DRC8: variants seen among roughly 807,000 people sequenced by gnomAD.
DRC8 encodes the protein dynein regulatory complex subunit 8, also known as dynein regulatory complex protein 8.
chr1:245,104,835 G>T, the DRC8 span, among the ~76,000 whole-genome samples: 2 of 152,132 alleles, frequency 1.3e-5, no homozygotes, highest in Admixed American at 6.5e-5. Context: ...TCAAATTTCC[G>T]CTCTTGTCTC....
At chr1:245,088,832 A>G in the DRC8 span, among the ~76,000 whole-genome samples, 10 of 152,182 alleles carry the variant, frequency 6.6e-5, no homozygotes, top group Non-Finnish European at 1.0e-4. The surrounding 1 kb of genome is among the most constrained non-coding windows in gnomAD (Gnocchi z 4.6). Flanking sequence ...TAGAGGTGTC[A>G]TGAAACATGG....
chr1:245,064,722 T>C, the DRC8 span, among the ~76,000 whole-genome samples: 1 of 152,216 alleles, frequency 6.6e-6, no homozygotes. Context: ...ATTTTTCAGG[T>C]CTTCAGTAAG....
At chr1:245,012,695 A>C in the DRC8 span, among the ~76,000 whole-genome samples, 3,837 of 152,190 alleles carry the variant, frequency 0.025, 65 homozygotes, top group Non-Finnish European at 0.041. Context: ...TAATTTAGAG[A>C]TCTATAAGGG....
chr1:245,121,825 G>C, the DRC8 span: 1 of 405,924 alleles, frequency 2.5e-6, no homozygotes, highest in Non-Finnish European at 4.8e-6. Flanking sequence ...AGCCTCACAG[G>C]CCTTAGGCTT....
chr1:245,053,115 T>G, the DRC8 span, among the ~76,000 whole-genome samples: 1 of 152,210 alleles, frequency 6.6e-6, no homozygotes, highest in Non-Finnish European at 1.5e-5. Context: ...GTACAGTAAG[T>G]CTTCTCTTAA....
chr1:244,974,857 G>A, the DRC8 span, among the ~76,000 whole-genome samples: 1 of 152,058 alleles, frequency 6.6e-6, no homozygotes, highest in African/African-American at 2.4e-5. Context: ...CACCATGCCC[G>A]ACTAATTTTT....
chr1:245,082,237 C>G, the DRC8 span: 1 of 1,328,088 alleles, frequency 7.5e-7, no homozygotes, highest in Non-Finnish European at 1.1e-6. Context: ...GGACGCTTGG[C>G]TTTTTCACTT....
chr1:245,016,576 G>A, the DRC8 span, among the ~76,000 whole-genome samples: 3 of 152,024 alleles, frequency 2.0e-5, no homozygotes, highest in African/African-American at 7.3e-5. Flanking sequence ...CGAATATTAC[G>A]AGCTTATATT....
chr1:244,970,401 G>C, the DRC8 span: 1 of 1,538,756 alleles, frequency 6.5e-7, no homozygotes, highest in Non-Finnish European at 8.7e-7. Flanking sequence ...TCTCCCAGGC[G>C]ACCGGCTCCG....
At chr1:244,981,508 A>G in the DRC8 span, among the ~76,000 whole-genome samples, 2 of 152,220 alleles carry the variant, frequency 1.3e-5, no homozygotes, top group Non-Finnish European at 2.9e-5. Context: ...TCTATGTGGT[A>G]GGTGCCTCTG....
chr1:245,014,249 C>T, the DRC8 span, among the ~76,000 whole-genome samples: 1 of 152,008 alleles, frequency 6.6e-6, no homozygotes, highest in African/African-American at 2.4e-5. Flanking sequence ...GTAACTTCGA[C>T]ATAGGGTTAA....
chr1:244,970,331 C>T, the DRC8 span: 2 of 1,510,928 alleles, frequency 1.3e-6, no homozygotes, highest in African/African-American at 1.4e-5. Context: ...TCCTCCAGGC[C>T]AGGCTCGCCG....
chr1:245,059,085 C>T, the DRC8 span, among the ~76,000 whole-genome samples: 1 of 152,210 alleles, frequency 6.6e-6, no homozygotes, highest in Admixed American at 6.5e-5. Context: ...AACTGAGGCT[C>T]AAAAGAGTTA....
the DRC8 span, among the ~76,000 whole-genome samples, chr1:245,020,408 G>A: frequency 6.6e-6 from 1 of 151,918 alleles, no homozygotes; most frequent in Non-Finnish European, 1.5e-5. Context: ...CCAGCTCCGT[G>A]ACTGCGAGTC....
the DRC8 span, among the ~76,000 whole-genome samples, chr1:245,050,936 G>T: frequency 6.6e-6 from 1 of 152,106 alleles, no homozygotes; most frequent in Non-Finnish European, 1.5e-5. Flanking sequence ...GGAGTGCAGT[G>T]CCACGATCTC....
chr1:245,037,573 A>T, the DRC8 span, among the ~76,000 whole-genome samples: 1 of 152,200 alleles, frequency 6.6e-6, no homozygotes, highest in Non-Finnish European at 1.5e-5. Flanking sequence ...TAAGATAAAG[A>T]TATCCGCATT....
chr1:244,970,633 GCCGCTCCGCCCCGC>G, the DRC8 span: 4 of 434,940 alleles, frequency 9.2e-6, no homozygotes, highest in Non-Finnish European at 1.4e-5. Flanking sequence ...CGCCCGGCCC[GCCGCTCCGCCCCGC>G]CCCGCCCCGC....
chr1:245,016,979 C>G, the DRC8 span, among the ~76,000 whole-genome samples: 1 of 152,084 alleles, frequency 6.6e-6, no homozygotes, highest in Non-Finnish European at 1.5e-5. Flanking sequence ...TGAGTATATG[C>G]GTATGTAAAC....
chr1:245,089,284 G>T, the DRC8 span, among the ~76,000 whole-genome samples: 4 of 152,238 alleles, frequency 2.6e-5, no homozygotes, highest in East Asian at 5.8e-4. The surrounding 1 kb of genome is among the most constrained non-coding windows in gnomAD (Gnocchi z 4.8). Flanking sequence ...ATAATCAATT[G>T]GATATAGGAG....
Sources: gnomAD v4.1 joint callset for allele counts (sites outside exome capture counted in the v4.1 genomes callset) on GRCh38, gnomAD v4.1.1 for gene constraint, Gnocchi (gnomAD v3.1) non-coding constraint, MANE v1.5 for transcripts, NCBI Gene and HGNC (gene_info 2026-07-23, HGNC 2026-07-21) for gene names.